The following CHKA variants were observed in gnomAD, a reference collection of about 807,000 sequenced individuals.
The protein encoded by CHKA is choline kinase alpha, also known as CHETK-alpha.
In CHKA, 34 loss-of-function variants were observed where a neutral mutation model predicts 60.1. The ratio of observed to expected loss-of-function variants is 0.57; its 90% CI spans 0.43 to 0.75. CHKA has a LOEUF of 0.75. Ranked by LOEUF, CHKA falls within the 30% of genes least tolerant of loss-of-function variation. The pLI is 0.00. For synonymous variants in CHKA, 217 were observed against 223.1 expected (o/e 0.97, Z 0.24); for missense variants, 563 against 561.3 (o/e 1.00, Z -0.03).
intron 1 of CHKA, among the ~76,000 whole-genome samples, chr11:68,111,366 C>T (rs1454340604): frequency 2.0e-5 from 3 of 151,362 alleles, no homozygotes; most frequent in Admixed American, 2.0e-4. Flanking sequence ...GAGCCGAGAT[C>T]GTGCCATTGC....
chr11:68,077,411 G>A (rs995519734), intron 3 of CHKA, among the ~76,000 whole-genome samples: 4 of 152,186 alleles, frequency 2.6e-5, no homozygotes, highest in African/African-American at 7.2e-5. Flanking sequence ...TAAAAAGGGG[G>A]CTGGACAGAC....
Position 68,066,518 on chromosome 11 carries a change from T to C in CHKA, c.929-2A>G. 6.2e-7 allele frequency: 1 copy of C among 1,612,142 alleles called. No homozygotes were observed. The highest frequency in any genetic ancestry group is 8.5e-7 in the Non-Finnish European group (1 of 1,178,176). On this transcript the variant is annotated splice_acceptor_variant, in intron 7 of 11. Coordinates refer to ENST00000265689, the MANE Select transcript of CHKA (RefSeq NM_001277.3). LOFTEE classifies it high-confidence loss of function. ...GGCCTTCCAGCAACAAGATATTACC[T>C]GCAAAAGGTTTGGATAACATGGTTT...
intron 2 of CHKA, among the ~76,000 whole-genome samples, chr11:68,088,286 A>G (rs1391474726): frequency 6.6e-6 from 1 of 152,000 alleles, no homozygotes; most frequent in Non-Finnish European, 1.5e-5. Flanking sequence ...TCACCCTGAG[A>G]ATAGGAGGAT....
chr11:68,098,536 G>A (rs141151466), intron 1 of CHKA, among the ~76,000 whole-genome samples: 3,075 of 152,262 alleles, frequency 0.02, 50 homozygotes, highest in Non-Finnish European at 0.034. Context: ...AATGGGTACA[G>A]AGTTTCAGTT....
At position 68,064,614 on chromosome 11, in the gene CHKA, A is replaced by C; in HGVS notation, c.1143T>G (p.Ser381Arg). Residue 381 changes from serine to arginine, a missense_variant, in exon 10 of 12, where the codon AGT (serine) becomes AGG (arginine). Physicochemically the swap from Ser to Arg is moderately radical, Grantham distance 110. Transcript: ENST00000265689. ...TKKQQLHFIS[S>R]YLPAFQNDFE... ...AGTCATTTTGGAATGCAGGCAAGTA[A>C]CTGGAAATAAAATGGAGCTTAAAAA... 1 of 1,588,788 alleles carries C rather than the reference A, an allele frequency of 6.3e-7. No individual in the cohort carries two copies. Among genetic ancestry groups the C allele is most frequent in the Non-Finnish European group, 8.6e-7 (1 of 1,168,646 alleles).
At chr11:68,074,910 T>C in intron 3 of CHKA, 80 bp from the exon 4 acceptor site, 1 of 1,192,938 alleles carries the variant, frequency 8.4e-7, no homozygotes, top group Non-Finnish European at 1.2e-6. Flanking sequence ...CACAGGAGTG[T>C]TTCATCTGAT....
rs1855880974 is a variant in CHKA, at chr11:68,053,556, T to C, written c.*432A>G. 1 of 178,876 alleles carries C rather than the reference T, an allele frequency of 5.6e-6. No individual in the cohort carries two copies. Among genetic ancestry groups the C allele is most frequent in the Non-Finnish European group, 1.2e-5 (1 of 84,194 alleles). 11.1% of individuals were successfully genotyped at this position (178,876 alleles called of 1,614,324 possible). The stretch of plus-strand genomic sequence containing the variant: ...TGCTGTCCCTTGGGAGTGAGCACCG[T>C]CTATAACACATCGCCATCTACAAAA... On this transcript the variant is annotated 3_prime_UTR_variant, in exon 12 of 12. Coordinates refer to ENST00000265689, the MANE Select transcript of CHKA (RefSeq NM_001277.3).
intron 3 of CHKA, among the ~76,000 whole-genome samples, chr11:68,075,483 G>A (rs1430839758): frequency 1.3e-5 from 2 of 151,878 alleles, no homozygotes; most frequent in African/African-American, 4.8e-5. Flanking sequence ...AATAATTAAC[G>A]TGGGATCTAT....
chr11:68,098,253 AGAGT>A (rs1715881973), intron 1 of CHKA, among the ~76,000 whole-genome samples: 1 of 139,830 alleles, frequency 7.2e-6, no homozygotes, highest in South Asian at 2.3e-4. Context: ...CCTGGGCGAC[AGAGT>A]GAGACTCCTA....
Position 68,061,211 on chromosome 11 carries a change from GTTCTCCTGCCTCAGCC to G in CHKA, c.1314+726_1314+741del, listed in dbSNP as rs375099865. 5.5e-5 allele frequency among the ~76,000 whole-genome samples: 8 copies of G among 146,682 alleles called. No homozygotes were observed. In the East Asian group the frequency reaches 1.6e-3, roughly 30 times the overall value. On this transcript the variant is annotated intron_variant, in intron 11 of 11. Coordinates refer to ENST00000265689, the MANE Select transcript of CHKA (RefSeq NM_001277.3). ...AACCTCCACCTCCTGGGTTCAAGCG[GTTCTCCTGCCTCAGCC>G]TCTTGAGTAGCTGGGATTACAGGCG...
In CHKA at chr11:68,053,917, C is replaced by T; in HGVS notation, c.*71G>A. 1.5e-6 allele frequency: 2 copies of T among 1,368,340 alleles called. No individual in the cohort carries two copies. Among genetic ancestry groups the T allele is most frequent in the East Asian group, 2.3e-5 (1 of 42,718 alleles). 84.8% of individuals were successfully genotyped at this position (1,368,340 alleles called of 1,614,324 possible). ...CCTGCCACAGGAGCAGTAGTCGAAGCACAGAGGGGACCCCGCTCTGCTGCC... is the reference window on the plus strand; with the variant it reads ...CCTGCCACAGGAGCAGTAGTCGAAGTACAGAGGGGACCCCGCTCTGCTGCC... On this transcript the variant is annotated 3_prime_UTR_variant, in exon 12 of 12. Transcript: ENST00000265689.
intron 8 of CHKA, 128 bp from the exon 9 acceptor site, chr11:68,066,022 G>A (rs932381042): frequency 3.2e-6 from 2 of 621,268 alleles, no homozygotes; most frequent in Non-Finnish European, 5.7e-6. Context: ...CTTGCTGAGG[G>A]AGCAGGACTG....
At chr11:68,086,096 C>T (rs1023031450) in intron 2 of CHKA, among the ~76,000 whole-genome samples, 1 of 151,996 alleles carries the variant, frequency 6.6e-6, no homozygotes, top group Non-Finnish European at 1.5e-5. Flanking sequence ...AGGCGGATCA[C>T]GAGGTCAAGA....
At chr11:68,092,292 A>G (rs1407115318) in intron 2 of CHKA, among the ~76,000 whole-genome samples, 1 of 152,200 alleles carries the variant, frequency 6.6e-6, no homozygotes, top group African/African-American at 2.4e-5. Context: ...ATCAATCCTG[A>G]CAATTTATCA....
intron 11 of CHKA, among the ~76,000 whole-genome samples, chr11:68,059,849 G>A (rs1856155263): frequency 6.6e-6 from 1 of 152,168 alleles, no homozygotes; most frequent in African/African-American, 2.4e-5. Flanking sequence ...AAAAGAATGT[G>A]CACCCTGCAG....
In CHKA at chr11:68,121,268, C is replaced by G. The variant is rs1858640149; in HGVS notation, c.-91G>C. On this transcript the variant is annotated 5_prime_UTR_variant, in exon 1 of 12. Coordinates refer to ENST00000265689, the MANE Select transcript of CHKA (RefSeq NM_001277.3). ...CGGGCGCCCCCTCGCCGCTCTCTCA[C>G]TGGCAGGCCGGCGGGGCAGGGGGCC... The G allele has an allele frequency of 2.0e-6, 2 of 1,022,402 alleles. No homozygotes were observed. The highest frequency in any genetic ancestry group is 5.6e-5 in the Admixed American group (1 of 18,012). The allele number at this position is 1,022,402 out of a possible 1,614,324, so 63.3% of individuals were successfully genotyped here.
intron 1 of CHKA, among the ~76,000 whole-genome samples, chr11:68,110,858 C>T (rs905476409): frequency 1.3e-5 from 2 of 151,348 alleles, no homozygotes; most frequent in African/African-American, 2.4e-5. Context: ...ATTAGCTGGG[C>T]GTGGTGGCAT....
At chr11:68,096,547 C>T (rs531558472) in intron 2 of CHKA, among the ~76,000 whole-genome samples, 12 of 152,220 alleles carry the variant, frequency 7.9e-5, no homozygotes, top group African/African-American at 2.6e-4. Flanking sequence ...TAACAAACAA[C>T]TCAAAGTTTT....
At chr11:68,119,698 G>A (rs1858533016) in intron 1 of CHKA, among the ~76,000 whole-genome samples, 1 of 152,036 alleles carries the variant, frequency 6.6e-6, no homozygotes, top group Non-Finnish European at 1.5e-5. Flanking sequence ...TCGATCTCCC[G>A]ACCTCGTGAC....
Sources: gnomAD v4.1 joint callset for allele counts (sites outside exome capture counted in the v4.1 genomes callset) on GRCh38, gnomAD v4.1.1 for gene constraint, MANE v1.5 for transcripts, NCBI Gene and HGNC (gene_info 2026-07-23, HGNC 2026-07-21) for gene names.